The following SH2B1 variants were observed in gnomAD, a reference collection of about 807,000 sequenced individuals.
SH2B1 encodes the protein SH2B adapter protein 1.
SH2B1 carries 15 observed loss-of-function variants against 62.6 expected under a neutral mutation model. That is an observed-to-expected ratio of 0.24 (90% CI 0.16 to 0.37). The LOEUF (loss-of-function observed/expected upper bound fraction) is 0.37. Ranked by LOEUF, SH2B1 falls within the 10% of genes least tolerant of loss-of-function variation. SH2B1 has a pLI of 1.00. For synonymous variants in SH2B1, 443 were observed against 438.0 expected, an observed-to-expected ratio of 1.01 and a Z score of -0.14; for missense variants, 925 against 1,015.6, an observed-to-expected ratio of 0.91 and a Z score of 1.21.
intron 2 of SH2B1, 81 bp downstream of exon 2, chr16:28,867,513 C>A: frequency 9.8e-7 from 1 of 1,017,388 alleles, no homozygotes; most frequent in Non-Finnish European, 1.6e-6. Context: ...GTGGCGTCGC[C>A]GAAAGGAGGT....
At chr16:28,859,875 C>A (rs1021273016), upstream of SH2B1, among the ~76,000 whole-genome samples, 3 of 110,056 alleles carry the variant, frequency 2.7e-5, no homozygotes, top group Non-Finnish European at 4.3e-5. Context: ...TAGACCCCCC[C>A]CCCCCGGCTG....
chr16:28,872,123 T>C lies in SH2B1; in HGVS notation c.1514-67T>C. On this transcript the variant is annotated intron_variant, in intron 5 of 7. Coordinates refer to ENST00000684370, the MANE Select transcript of SH2B1 (RefSeq NM_001387430.1). The surrounding 1 kb of genome is among the most constrained non-coding windows in gnomAD (Gnocchi z 5.3). Reference sequence around the variant, plus strand: ...AGGCGCCTTGAGGGGAAGGCAAGGCTTTTTTCTCCCAGGATGGGGGAGGCT... The same window carrying C: ...AGGCGCCTTGAGGGGAAGGCAAGGCCTTTTTCTCCCAGGATGGGGGAGGCT... 1 of 1,518,918 alleles carries C rather than the reference T, an allele frequency of 6.6e-7. No homozygotes were observed. The highest frequency in any genetic ancestry group is 9.1e-7 in the Non-Finnish European group (1 of 1,103,906). 94.1% of individuals were successfully genotyped at this position (1,518,918 alleles called of 1,614,324 possible). A position where few individuals can be genotyped will look rare whatever the true frequency, so the allele number is the denominator to read the frequency against.
rs1194063259 is a variant in SH2B1 at position 28,867,051 on chromosome 16, G to A, written c.939+18G>A. The A allele has an allele frequency of 3.1e-6, 5 of 1,598,402 alleles. No homozygotes were observed. The highest frequency in any genetic ancestry group is 4.2e-6 in the Non-Finnish European group (5 of 1,179,896). On this transcript the variant is annotated intron_variant, in intron 1 of 7. Transcript: ENST00000684370. ...CACCCAAGGTGAGGCCCCTTGGAGGGTGGGTGACTGAGAGCAAGTGAGAGA... is the reference window on the plus strand; with the variant it reads ...CACCCAAGGTGAGGCCCCTTGGAGGATGGGTGACTGAGAGCAAGTGAGAGA...
chr16:28,873,324 G>T lies in SH2B1; in HGVS notation c.1898-123G>T. The T allele has an allele frequency of 6.3e-7, 1 of 1,591,926 alleles. No individual in the cohort carries two copies. The highest frequency in any genetic ancestry group is 8.6e-7 in the Non-Finnish European group (1 of 1,168,518). Reference sequence around the variant, plus strand: ...CATGATCCATCTTCCATGGATGGGGGGTTGCTCAGGAGATGGGATGTGGGG... The same window carrying T: ...CATGATCCATCTTCCATGGATGGGGTGTTGCTCAGGAGATGGGATGTGGGG... On this transcript the variant is annotated intron_variant, in intron 7 of 7. Transcript: ENST00000684370. The surrounding 1 kb of genome is among the most constrained non-coding windows in gnomAD (Gnocchi z 4.2).
chr16:28,872,138 T>C lies in SH2B1; in HGVS notation c.1514-52T>C. ...AAGGCAAGGCTTTTTTCTCCCAGGA[T>C]GGGGGAGGCTGCCCTGACACCCCGG... On this transcript the variant is annotated intron_variant, in intron 5 of 7. Coordinates refer to ENST00000684370, the MANE Select transcript of SH2B1 (RefSeq NM_001387430.1). The surrounding 1 kb of genome is among the most constrained non-coding windows in gnomAD (Gnocchi z 5.3). 5 of 1,551,836 alleles carry C rather than the reference T, an allele frequency of 3.2e-6. No homozygotes were observed. The highest frequency in any genetic ancestry group is 4.4e-6 in the Non-Finnish European group (5 of 1,130,356).
chr16:28,869,965 A>G (rs1186829713), intron 4 of SH2B1, among the ~76,000 whole-genome samples: 2 of 152,228 alleles, frequency 1.3e-5, no homozygotes, highest in South Asian at 2.1e-4. Flanking sequence ...GAATGAACAC[A>G]TGAATCATGG....
chr16:28,858,310 C>A (rs527620288), intron 1 of SH2B1, among the ~76,000 whole-genome samples: 2 of 151,764 alleles, frequency 1.3e-5, no homozygotes, highest in Non-Finnish European at 2.9e-5. Flanking sequence ...GTCAGGAGTT[C>A]GAGAGCAGCC....
At chr16:28,858,103 C>T (rs1316502548) in intron 1 of SH2B1, among the ~76,000 whole-genome samples, 1 of 152,148 alleles carries the variant, frequency 6.6e-6, no homozygotes, top group African/African-American at 2.4e-5. Flanking sequence ...CCTCCCCTCC[C>T]TGGGGGTTGG....
intron 1 of SH2B1, among the ~76,000 whole-genome samples, chr16:28,858,757 T>C (rs1212116277): frequency 6.6e-6 from 1 of 151,860 alleles, no homozygotes; most frequent in Admixed American, 6.6e-5. Flanking sequence ...TTTGCTAACA[T>C]GGTGAATCCC....
chr16:28,860,816 GTT>G (rs57425948), upstream of SH2B1, among the ~76,000 whole-genome samples: 1 of 150,802 alleles, frequency 6.6e-6, no homozygotes, highest in Admixed American at 6.6e-5. Flanking sequence ...CTCCAGATTT[GTT>G]TTTTTTTTAA....
chr16:28,857,808 C>T lies in SH2B1; in HGVS notation c.-300-3810C>T, dbSNP rs565192272. Among the ~76,000 whole-genome samples, 10 of 151,288 alleles carry T rather than the reference C, an allele frequency of 6.6e-5. No individual in the cohort carries two copies. The East Asian group carries it at 7.9e-4, about 12-fold the overall frequency. On this transcript the variant is annotated intron_variant, in intron 1 of 10. Coordinates refer to the SH2B1 transcript ENST00000322610. ...AGGCTGGAGTGCAGTGGCGCAATCT[C>T]GGCTCACTGCAAGCTCCGCCTCCTG...
At chr16:28,850,016 G>A in intron 1 of SH2B1, among the ~76,000 whole-genome samples, 1 of 152,184 alleles carries the variant, frequency 6.6e-6, no homozygotes, top group Non-Finnish European at 1.5e-5. Flanking sequence ...GAAACACGGT[G>A]TTCGGAAAAG....
chr16:28,852,500 T>TTA (rs1219450278), intron 1 of SH2B1, among the ~76,000 whole-genome samples: 1 of 29,536 alleles, frequency 3.4e-5, no homozygotes, highest in Non-Finnish European at 4.9e-5. Context: ...ATACATATAT[T>TTA]TATATATATA....
intron 2 of SH2B1, among the ~76,000 whole-genome samples, chr16:28,867,941 G>A (rs1249045541): frequency 2.0e-5 from 3 of 152,116 alleles, no homozygotes; most frequent in African/African-American, 7.2e-5. Flanking sequence ...CGATTCTTGT[G>A]CCTCAGCCTC....
At chr16:28,857,705 G>A (rs1288480284) in intron 1 of SH2B1, among the ~76,000 whole-genome samples, 2 of 151,272 alleles carry the variant, frequency 1.3e-5, no homozygotes, top group South Asian at 2.1e-4. Context: ...TGCATTTGCT[G>A]ACCAGAACAC....
upstream of SH2B1, chr16:28,863,776 C>T (rs1567464793): frequency 1.3e-6 from 2 of 1,535,712 alleles, no homozygotes; most frequent in Non-Finnish European, 8.7e-7. Flanking sequence ...GGTGCCCTTC[C>T]CTCCCGCCGC....
In SH2B1 at chr16:28,873,829, C is replaced by G; in HGVS notation, c.*9C>G. The G allele has an allele frequency of 7.0e-7, 1 of 1,424,132 alleles. No homozygotes were observed. Among genetic ancestry groups the G allele is most frequent in the Non-Finnish European group, 9.2e-7 (1 of 1,091,216 alleles). The allele number at this position is 1,424,132 out of a possible 1,614,324, so 88.2% of individuals were successfully genotyped here. On this transcript the variant is annotated 3_prime_UTR_variant, in exon 8 of 8. Transcript: ENST00000684370. This position sits in a 1 kb window ranked among gnomAD's most constrained non-coding sequence, Gnocchi z 4.2. ...AGTACTCCTTCGTGTGAGCCAACCC[C>G]ACCCGCTCCACCCTTTTTAAACCCC...
chr16:28,864,191 G>T lies in SH2B1; in HGVS notation c.-1904G>T. 9.5e-7 allele frequency: 1 copy of T among 1,054,956 alleles called. No homozygotes were observed. The highest frequency in any genetic ancestry group is 1.1e-6 in the Non-Finnish European group (1 of 872,530). The allele number at this position is 1,054,956 out of a possible 1,614,324, so 65.3% of individuals were successfully genotyped here. A position where few individuals can be genotyped will look rare whatever the true frequency, so the allele number is the denominator to read the frequency against. ...AGTATATGGACCACCGGGCCCGGAG[G>T]GTCCGAGCCGAGAGCGGAGCCTGCA... On this transcript the variant is annotated 5_prime_UTR_variant, in exon 1 of 8. Transcript: ENST00000684370.
At chr16:28,863,667 G>T (rs1297920960), upstream of SH2B1, 5 of 1,532,058 alleles carry the variant, frequency 3.3e-6, no homozygotes, top group Non-Finnish European at 4.4e-6. Flanking sequence ...GTCGCTTTTA[G>T]GTGCAACTGG....
Sources: gnomAD v4.1 joint callset for allele counts (sites outside exome capture counted in the v4.1 genomes callset) on GRCh38, gnomAD v4.1.1 for gene constraint, Gnocchi (gnomAD v3.1) non-coding constraint, MANE v1.5 for transcripts, NCBI Gene and HGNC (gene_info 2026-07-23, HGNC 2026-07-21) for gene names.